ABI3BP: variants seen among roughly 807,000 people sequenced by gnomAD.
ABI3BP encodes ABI family member 3 binding protein, also known as target of Nesh-SH3.
A neutral mutation model predicts 268.6 loss-of-function variants in ABI3BP; 216 were observed. That is an observed-to-expected ratio of 0.80 (90% CI 0.72 to 0.90). The LOEUF (loss-of-function observed/expected upper bound fraction) is 0.90. ABI3BP is among the 40% of genes least tolerant of loss of function. ABI3BP has a pLI of 0.00. For missense variants in ABI3BP, 2,090 were observed against 2,182.4 expected, an observed-to-expected ratio of 0.96 and a Z score of 0.84; for synonymous variants, 730 against 730.0, an observed-to-expected ratio of 1.00 and a Z score of 0.00.
rs1395502589 is a variant in ABI3BP, at chr3:100,765,876, T to C, written c.4815A>G (p.Thr1605=). ...KNKSIQMTNQ[T]FSTVENLKPN... ...GTTTCAGATTTTCTACTGTGGAAAA[T>C]GTCTGATTTGTCATTTGAATGGACT... Residue 1605 remains threonine, a synonymous_variant, in exon 63 of 68, where the codon ACA becomes ACG. Transcript: ENST00000471714. 2 of 1,612,202 alleles carry C rather than the reference T, an allele frequency of 1.2e-6. No homozygotes were observed. Among genetic ancestry groups the C allele is most frequent in the Non-Finnish European group, 1.7e-6 (2 of 1,179,034 alleles).
At position 100,778,334 on chromosome 3, in the gene ABI3BP, C is replaced by A; in HGVS notation, c.4283G>T (p.Arg1428Leu). Residue 1428 changes from arginine to leucine, a missense_variant, in exon 59 of 68, where the codon CGA becomes CTA. By Grantham distance (102) the Arg-to-Leu change is moderately radical (BLOSUM62 -2). Coordinates refer to ENST00000471714, the MANE Select transcript of ABI3BP (RefSeq NM_001375547.2). ...ATTATTTGGTGGTAAAGGTTTTCTT[C>A]GTGGGTGTGTAGGTCTGGGTGGCAA... The part of the protein sequence containing the change: ...PPLPPRPTHP[R>L]RKPLPPNNVT... 6.2e-7 allele frequency: 1 copy of A among 1,613,462 alleles called. No homozygotes were observed. Among genetic ancestry groups the A allele is most frequent in the East Asian group, 2.2e-5 (1 of 44,860 alleles).
intron 1 of ABI3BP, among the ~76,000 whole-genome samples, chr3:100,941,452 G>T (rs544464474): frequency 5.3e-5 from 8 of 152,162 alleles, no homozygotes; most frequent in African/African-American, 1.4e-4. Flanking sequence ...GGTTACTTTC[G>T]AATTTAGAAA....
chr3:100,847,516 G>GT (rs2098784483), intron 19 of ABI3BP, 86 bp downstream of exon 19: 1 of 1,142,142 alleles, frequency 8.8e-7, no homozygotes, highest in Non-Finnish European at 1.3e-6. Context: ...ATCTTAACAG[G>GT]TAACAGACAT....
intron 14 of ABI3BP, among the ~76,000 whole-genome samples, chr3:100,853,904 A>G (rs954561144): frequency 1.3e-5 from 2 of 152,202 alleles, no homozygotes; most frequent in Non-Finnish European, 2.9e-5. Flanking sequence ...TTTGTTTTTA[A>G]TATTTCTATT....
intron 3 of ABI3BP, among the ~76,000 whole-genome samples, chr3:100,900,453 T>C (rs1351314467): frequency 6.6e-6 from 1 of 152,190 alleles, no homozygotes; most frequent in Non-Finnish European, 1.5e-5. Context: ...AAAACTCAAG[T>C]CCTGGGTCTC....
intron 2 of ABI3BP, chr3:100,911,226 C>A: frequency 2.7e-6 from 1 of 367,084 alleles, no homozygotes; most frequent in South Asian, 3.8e-5. Flanking sequence ...CCATTAAGGT[C>A]AGTTTGGCTA....
At chr3:100,811,158 A>AC in intron 48 of ABI3BP, 72 bp downstream of exon 48, 2 of 1,285,662 alleles carry the variant, frequency 1.6e-6, no homozygotes, top group African/African-American at 3.0e-5. Context: ...AATGAGAGAG[A>AC]CCCAGAGGTT....
Position 100,829,471 on chromosome 3 carries a change from T to C in ABI3BP, c.2542+110A>G, listed in dbSNP as rs2098447329. The C allele has an allele frequency of 6.2e-5, 61 of 976,176 alleles. 2 individuals carry two copies. The South Asian group carries it at 9.2e-4, about 15-fold the overall frequency. 60.5% of individuals were successfully genotyped at this position (976,176 alleles called of 1,614,324 possible). ...TCATCTCCCCAGCCCTGTTCCTCATTGCCTAGTCTGATGTGGAATCAGCTG... is the reference window on the plus strand; with the variant it reads ...TCATCTCCCCAGCCCTGTTCCTCATCGCCTAGTCTGATGTGGAATCAGCTG... On this transcript the variant is annotated intron_variant, in intron 33 of 67. Transcript: ENST00000471714.
chr3:100,855,012 C>T (rs776955958), intron 14 of ABI3BP, among the ~76,000 whole-genome samples: 11 of 152,048 alleles, frequency 7.2e-5, no homozygotes, highest in South Asian at 2.1e-4. Context: ...CTGCAACCTC[C>T]GCCTCCCAGG....
intron 9 of ABI3BP, among the ~76,000 whole-genome samples, chr3:100,873,729 C>G (rs1451044104): frequency 6.6e-6 from 1 of 152,312 alleles, no homozygotes; most frequent in South Asian, 2.1e-4. Context: ...ACAGATAAGG[C>G]CCCCAGTAGG....
intron 1 of ABI3BP, among the ~76,000 whole-genome samples, chr3:100,978,651 T>C (rs1160825566): frequency 3.3e-5 from 5 of 152,236 alleles, no homozygotes; most frequent in Non-Finnish European, 7.3e-5. Context: ...GGTATCACTC[T>C]ATCAGCTAAA....
chr3:100,840,966 T>G (rs902165054), intron 21 of ABI3BP, 108 bp from the exon 22 acceptor site: 5 of 847,900 alleles, frequency 5.9e-6, no homozygotes, highest in Non-Finnish European at 8.9e-6. Context: ...ATTGAGCAAA[T>G]ATAAATGGTG....
chr3:100,931,591 A>G (rs975892875), intron 1 of ABI3BP, among the ~76,000 whole-genome samples: 2 of 151,976 alleles, frequency 1.3e-5, no homozygotes, highest in South Asian at 2.1e-4. Context: ...CAAGAATACA[A>G]TACCATTCAC....
chr3:100,932,315 TC>T (rs2063917215), intron 1 of ABI3BP, among the ~76,000 whole-genome samples: 1 of 149,416 alleles, frequency 6.7e-6, no homozygotes, highest in Non-Finnish European at 1.5e-5. Context: ...TGACAAAGTC[TC>T]CCAAACAAAA....
chr3:100,888,871 G>GAAGTAA (rs769644779), intron 4 of ABI3BP, among the ~76,000 whole-genome samples: 24 of 151,474 alleles, frequency 1.6e-4, no homozygotes, highest in Non-Finnish European at 2.5e-4. Context: ...TTAAAGTGGT[G>GAAGTAA]AAGTAAATTT....
intron 35 of ABI3BP, 147 bp from the exon 36 acceptor site, chr3:100,825,088 C>T (rs2098346519): frequency 1.0e-5 from 7 of 674,414 alleles, no homozygotes; most frequent in East Asian, 2.8e-5. Context: ...TATAACGATG[C>T]GTCATTTTAT....
At chr3:100,883,889 A>T (rs1384125101) in intron 6 of ABI3BP, among the ~76,000 whole-genome samples, 1 of 152,120 alleles carries the variant, frequency 6.6e-6, no homozygotes, top group African/African-American at 2.4e-5. Flanking sequence ...AAAAACAATT[A>T]GAAGTAACTT....
At chr3:100,838,534 GCAGAACA>G in intron 24 of ABI3BP, 70 bp from the exon 25 acceptor site, 1 of 1,235,822 alleles carries the variant, frequency 8.1e-7, no homozygotes, top group Non-Finnish European at 1.1e-6. Context: ...GGACAATTAT[GCAGAACA>G]AAGACACTAT....
chr3:100,770,228 T>A (rs930697882), intron 62 of ABI3BP, among the ~76,000 whole-genome samples: 6 of 152,214 alleles, frequency 3.9e-5, no homozygotes, highest in African/African-American at 1.2e-4. Context: ...TTGGGGTTTC[T>A]TAGTTTTTAC....
Sources: allele counts gnomAD v4.1 joint callset (sites outside exome capture counted in the v4.1 genomes callset), GRCh38; gene constraint gnomAD v4.1.1; transcripts MANE v1.5; gene names NCBI Gene and HGNC (gene_info 2026-07-23, HGNC 2026-07-21).